The following TMEM266 variants were observed in gnomAD, a reference collection of about 807,000 sequenced individuals.
TMEM266 encodes the protein Hv1 related protein 1.
TMEM266 carries 33 observed loss-of-function variants against 50.5 expected under a neutral mutation model. The ratio of observed to expected loss-of-function variants is 0.65; its 90% CI spans 0.50 to 0.87. The LOEUF (loss-of-function observed/expected upper bound fraction) is 0.87. Among genes scored for constraint, TMEM266 ranks in the 40% least tolerant of loss-of-function variants. The probability of loss-of-function intolerance (pLI) is 0.00; values close to 1 mark genes in which losing one functional copy is unlikely to be tolerated. For missense variants in TMEM266, 655 were observed against 695.1 expected (o/e 0.94, Z 0.65); for synonymous variants, 310 against 292.3 (o/e 1.06, Z -0.62).
chr15:76,086,512 A>G (rs933212274), intron 1 of TMEM266, among the ~76,000 whole-genome samples: 2 of 152,218 alleles, frequency 1.3e-5, no homozygotes, highest in East Asian at 1.9e-4. Context: ...GGAAAGAATG[A>G]AGCAACAAAA....
At chr15:76,182,192 C>T (rs2038422104) in intron 8 of TMEM266, among the ~76,000 whole-genome samples, 1 of 152,176 alleles carries the variant, frequency 6.6e-6, no homozygotes, top group Non-Finnish European at 1.5e-5. Flanking sequence ...CAGATTCAAA[C>T]CTCAGCCCCA....
chr15:76,184,616 C>T (rs2038467745), intron 8 of TMEM266, among the ~76,000 whole-genome samples: 1 of 152,372 alleles, frequency 6.6e-6, no homozygotes, highest in African/African-American at 2.4e-5. Flanking sequence ...GCATTAGATA[C>T]CATCGAGCTT....
chr15:76,162,189 T>C (rs964817244), intron 5 of TMEM266, among the ~76,000 whole-genome samples: 5 of 152,146 alleles, frequency 3.3e-5, no homozygotes, highest in Admixed American at 6.5e-5. Context: ...CTCCGTTACC[T>C]TGACCTTGTC....
At chr15:76,138,668 G>A (rs1376591962) in intron 3 of TMEM266, among the ~76,000 whole-genome samples, 2 of 152,228 alleles carry the variant, frequency 1.3e-5, no homozygotes, top group Admixed American at 6.5e-5. Context: ...TAGAGAATTC[G>A]GCTAGGAGCT....
intron 3 of TMEM266, among the ~76,000 whole-genome samples, chr15:76,146,084 A>T (rs2037750358): frequency 6.6e-6 from 1 of 152,216 alleles, no homozygotes; most frequent in South Asian, 2.1e-4. Context: ...AGCACAGTAC[A>T]TTGAAGGTCT....
At chr15:76,190,325 A>G (rs548117742) in intron 8 of TMEM266, among the ~76,000 whole-genome samples, 111 of 152,322 alleles carry the variant, frequency 7.3e-4, no homozygotes, top group African/African-American at 2.6e-3. Flanking sequence ...GGGAGAGAGG[A>G]TGAGACAAGT....
intron 3 of TMEM266, among the ~76,000 whole-genome samples, chr15:76,149,485 T>G (rs1246639888): frequency 6.6e-6 from 1 of 152,256 alleles, no homozygotes; most frequent in Non-Finnish European, 1.5e-5. Context: ...TTCATCCCCC[T>G]TCTAATGACC....
intron 1 of TMEM266, among the ~76,000 whole-genome samples, chr15:76,105,222 A>C (rs1453914358): frequency 6.6e-6 from 1 of 152,010 alleles, no homozygotes; most frequent in Non-Finnish European, 1.5e-5. Context: ...CTCCAGCCTG[A>C]GTGACACAGC....
At chr15:76,183,775 C>G (rs140099126) in intron 8 of TMEM266, among the ~76,000 whole-genome samples, 12 of 152,306 alleles carry the variant, frequency 7.9e-5, no homozygotes, top group African/African-American at 2.9e-4. Context: ...GCCTGTTTTC[C>G]TGAAGAAACA....
At chr15:76,075,837 C>CT (rs71140194) in intron 1 of TMEM266, among the ~76,000 whole-genome samples, 2,126 of 23,582 alleles carry the variant, frequency 0.09, 945 homozygotes, top group Admixed American at 0.14. Flanking sequence ...GAGAAGGCAG[C>CT]TTTTTTTTTT....
chr15:76,177,505 C>T (rs988890755), intron 8 of TMEM266, among the ~76,000 whole-genome samples: 5 of 152,222 alleles, frequency 3.3e-5, no homozygotes, highest in East Asian at 3.8e-4. Flanking sequence ...ATCATCCCCT[C>T]GGAATGTCTG....
chr15:76,091,328 A>G (rs1244760945), intron 1 of TMEM266, among the ~76,000 whole-genome samples: 1 of 150,402 alleles, frequency 6.6e-6, no homozygotes, highest in Admixed American at 6.6e-5. Context: ...ACCTCAGAAA[A>G]AAAATGGAGC....
chr15:76,132,583 G>A (rs1405794554), intron 1 of TMEM266, among the ~76,000 whole-genome samples: 1 of 143,196 alleles, frequency 7.0e-6, no homozygotes, highest in South Asian at 2.3e-4. Context: ...ATCACTTGAG[G>A]TAAGGAGGTC....
chr15:76,093,127 A>G (rs1302669844), intron 1 of TMEM266, among the ~76,000 whole-genome samples: 1 of 151,174 alleles, frequency 6.6e-6, no homozygotes, highest in East Asian at 1.9e-4. Flanking sequence ...TTATTTATTT[A>G]TTTATTTATT....
At position 76,153,377 on chromosome 15, in the gene TMEM266, G is replaced by T. The variant is rs77322678; in HGVS notation, c.228-3227G>T. On this transcript the variant is annotated intron_variant, in intron 3 of 10. Transcript: ENST00000388942. The surrounding 1 kb of genome is among the most constrained non-coding windows in gnomAD (Gnocchi z 4.2). Reference sequence around the variant, plus strand: ...GGTGAACAAATGCCCGGCACCTTCCGTGGAACGTGAAGACGAGGCTTCCTG... The same window carrying T: ...GGTGAACAAATGCCCGGCACCTTCCTTGGAACGTGAAGACGAGGCTTCCTG... Among the ~76,000 whole-genome samples, 20 of 152,314 alleles carry T rather than the reference G, an allele frequency of 1.3e-4. No homozygotes were observed. The East Asian group carries it at 3.7e-3, about 28-fold the overall frequency.
intron 9 of TMEM266, among the ~76,000 whole-genome samples, chr15:76,193,244 T>TG (rs2142083645): frequency 6.6e-6 from 1 of 152,100 alleles, no homozygotes; most frequent in South Asian, 2.1e-4. Context: ...GGTTGCTTTT[T>TG]TTTTGGAGAC....
At chr15:76,137,396 T>A (rs2037607009) in intron 2 of TMEM266, among the ~76,000 whole-genome samples, 1 of 152,232 alleles carries the variant, frequency 6.6e-6, no homozygotes, top group Non-Finnish European at 1.5e-5. Context: ...TTTTGCGGGC[T>A]GGCAGTTATC....
At chr15:76,149,655 C>T (rs1403347791) in intron 3 of TMEM266, among the ~76,000 whole-genome samples, 1 of 152,196 alleles carries the variant, frequency 6.6e-6, no homozygotes, top group Non-Finnish European at 1.5e-5. Flanking sequence ...ACTCAGAGTT[C>T]AGTCAGTGGT....
chr15:76,125,846 TA>T (rs34379905), intron 1 of TMEM266, among the ~76,000 whole-genome samples: 2,589 of 116,390 alleles, frequency 0.022, 63 homozygotes, highest in African/African-American at 0.07. Context: ...AGACTCCATG[TA>T]AAAAAAAAAA....
Sources: gnomAD v4.1 joint callset for allele counts (sites outside exome capture counted in the v4.1 genomes callset) on GRCh38, gnomAD v4.1.1 for gene constraint, Gnocchi (gnomAD v3.1) non-coding constraint, MANE v1.5 for transcripts, NCBI Gene and HGNC (gene_info 2026-07-23, HGNC 2026-07-21) for gene names.